CTNND2: variants seen among roughly 807,000 people sequenced by gnomAD.
CTNND2 encodes the protein catenin delta 2, also known as catenin delta-2.
In CTNND2, 22 loss-of-function variants were observed where a neutral mutation model predicts 144.4. The observed-to-expected ratio is 0.15, with a 90% confidence interval of 0.11 to 0.22. The LOEUF is 0.22. Among genes scored for constraint, CTNND2 ranks in the 10% least tolerant of loss-of-function variants. CTNND2 has a pLI of 1.00. For missense variants in CTNND2, 1,353 were observed against 1,618.8 expected (o/e 0.84, Z 2.82); for synonymous variants, 751 against 695.6 (o/e 1.08, Z -1.25).
intron 3 of CTNND2, among the ~76,000 whole-genome samples, chr5:11,563,529 T>C (rs891869087): frequency 6.6e-6 from 1 of 152,242 alleles, no homozygotes; most frequent in Non-Finnish European, 1.5e-5. Context: ...CTTTTTGTTT[T>C]CATTATCCAT....
chr5:11,196,585 TA>T lies in CTNND2; in HGVS notation c.1975+2862del, dbSNP rs1736877111. Among the ~76,000 whole-genome samples the T allele has an allele frequency of 2.6e-5, 4 of 152,374 alleles. No homozygotes were observed. The South Asian group carries it at 8.3e-4, about 32-fold the overall frequency. ...ATGCATGGATACCTGACCTAATTCCTAAACAGATTTGCAGTGGCTCCTTGCG... is the reference window on the plus strand; with the variant it reads ...ATGCATGGATACCTGACCTAATTCCTAACAGATTTGCAGTGGCTCCTTGCG... On this transcript the variant is annotated intron_variant, in intron 11 of 21. Transcript: ENST00000304623.
At chr5:11,639,370 T>G (rs949283769) in intron 2 of CTNND2, among the ~76,000 whole-genome samples, 2 of 152,182 alleles carry the variant, frequency 1.3e-5, no homozygotes, top group African/African-American at 4.8e-5. Context: ...ACAGACCTAC[T>G]GAATCAATCC....
intron 12 of CTNND2, among the ~76,000 whole-genome samples, chr5:11,147,363 G>A (rs1306058377): frequency 6.6e-6 from 1 of 152,154 alleles, no homozygotes; most frequent in East Asian, 1.9e-4. Context: ...GGATACAAAG[G>A]TGGAAAGTCC....
chr5:11,238,898 T>C (rs1741928823), intron 9 of CTNND2, among the ~76,000 whole-genome samples: 1 of 152,206 alleles, frequency 6.6e-6, no homozygotes, highest in Admixed American at 6.5e-5. Flanking sequence ...GAATTAAAAA[T>C]GTAAAGCCTG....
intron 16 of CTNND2, among the ~76,000 whole-genome samples, chr5:11,029,491 A>C (rs1316823470): frequency 6.6e-6 from 1 of 152,216 alleles, no homozygotes; most frequent in East Asian, 1.9e-4. Flanking sequence ...TACATTTAAC[A>C]TTATACCATT....
chr5:11,305,134 C>T (rs1281828970), intron 9 of CTNND2, among the ~76,000 whole-genome samples: 1 of 152,200 alleles, frequency 6.6e-6, no homozygotes, highest in South Asian at 2.1e-4. Flanking sequence ...TTACTACACA[C>T]AAAACATTGT....
chr5:11,411,406 G>A, intron 5 of CTNND2, 130 bp downstream of exon 5: 1 of 639,898 alleles, frequency 1.6e-6, no homozygotes, highest in Non-Finnish European at 2.8e-6. Flanking sequence ...GGAGTGAAAT[G>A]GATAAAACAA....
chr5:11,322,336 G>A (rs777005472), intron 9 of CTNND2, among the ~76,000 whole-genome samples: 6 of 152,104 alleles, frequency 3.9e-5, no homozygotes, highest in African/African-American at 7.2e-5. Context: ...AGATGCAGAC[G>A]TATCTTACTC....
chr5:11,449,495 G>A (rs1179712380), intron 3 of CTNND2, among the ~76,000 whole-genome samples: 1 of 152,144 alleles, frequency 6.6e-6, no homozygotes, highest in Admixed American at 6.6e-5. Flanking sequence ...TAACATGAAC[G>A]CTTAGCAGGT....
At chr5:10,982,060 C>A (rs917244002) in intron 20 of CTNND2, among the ~76,000 whole-genome samples, 1 of 152,108 alleles carries the variant, frequency 6.6e-6, no homozygotes, top group African/African-American at 2.4e-5. Context: ...GCATGTCAGC[C>A]GCTTGCAATA....
chr5:11,103,962 T>C (rs1230606698), intron 14 of CTNND2, among the ~76,000 whole-genome samples: 1 of 152,142 alleles, frequency 6.6e-6, no homozygotes, highest in Non-Finnish European at 1.5e-5. Flanking sequence ...GAGAAGGATT[T>C]CCATTTCAGG....
chr5:11,113,835 C>T (rs1753270360), intron 13 of CTNND2, among the ~76,000 whole-genome samples: 1 of 152,218 alleles, frequency 6.6e-6, no homozygotes, highest in South Asian at 2.1e-4. Context: ...TCCTGCACTG[C>T]TTCCCTCCAC....
chr5:11,847,147 TA>T (rs1794780759), intron 1 of CTNND2, among the ~76,000 whole-genome samples: 1 of 102,580 alleles, frequency 9.7e-6, no homozygotes, highest in East Asian at 2.3e-4. Flanking sequence ...TATATATATA[TA>T]TATATATATA....
intron 9 of CTNND2, among the ~76,000 whole-genome samples, chr5:11,276,251 A>G (rs1746510535): frequency 1.3e-5 from 2 of 152,212 alleles, no homozygotes; most frequent in Admixed American, 6.5e-5. Context: ...TGTGTGCATC[A>G]TTGCAATACA....
intron 1 of CTNND2, among the ~76,000 whole-genome samples, chr5:11,886,583 GA>G (rs200349512): frequency 9.9e-5 from 15 of 151,002 alleles, no homozygotes; most frequent in Admixed American, 2.0e-4. Context: ...TACTTAGACT[GA>G]AAAAAAAAGT....
chr5:11,584,476 A>G (rs978465641), intron 2 of CTNND2, among the ~76,000 whole-genome samples: 2 of 143,024 alleles, frequency 1.4e-5, no homozygotes, highest in Admixed American at 6.9e-5. Context: ...GACTAACTCA[A>G]TATTTTTTAT....
intron 2 of CTNND2, among the ~76,000 whole-genome samples, chr5:11,708,689 G>A (rs929892886): frequency 3.9e-5 from 6 of 152,138 alleles, no homozygotes; most frequent in Non-Finnish European, 7.3e-5. Context: ...CCCATCCTGG[G>A]AGTGTTGTTT....
intron 2 of CTNND2, among the ~76,000 whole-genome samples, chr5:11,717,474 G>A (rs1581767796): frequency 1.3e-5 from 2 of 151,736 alleles, no homozygotes; most frequent in Non-Finnish European, 2.9e-5. Flanking sequence ...CTACTTGGGA[G>A]GCTGAGGTGG....
At chr5:11,869,692 C>A (rs1471418160) in intron 1 of CTNND2, among the ~76,000 whole-genome samples, 1 of 152,198 alleles carries the variant, frequency 6.6e-6, no homozygotes, top group African/African-American at 2.4e-5. Context: ...ATGCCACTTA[C>A]TTCTATACTT....
Sources: allele counts gnomAD v4.1 joint callset (sites outside exome capture counted in the v4.1 genomes callset), GRCh38; gene constraint gnomAD v4.1.1; transcripts MANE v1.5; gene names NCBI Gene and HGNC (gene_info 2026-07-23, HGNC 2026-07-21).